ADAMTS8: variants seen among roughly 807,000 people sequenced by gnomAD.
ADAMTS8 encodes A disintegrin and metalloproteinase with thrombospondin motifs 8.
In ADAMTS8, 50 loss-of-function variants were observed where a neutral mutation model predicts 64.4. That is an observed-to-expected ratio of 0.78 (90% CI 0.62 to 0.98). The LOEUF (loss-of-function observed/expected upper bound fraction) is 0.98, where lower values mean the gene tolerates loss of function less well. Ranked by LOEUF, ADAMTS8 falls within the 50% of genes least tolerant of loss-of-function variation. ADAMTS8 has a pLI of 0.00. For missense variants in ADAMTS8, 1,192 were observed against 1,208.2 expected, an observed-to-expected ratio of 0.99 and a Z score of 0.20; for synonymous variants, 556 against 533.6, an observed-to-expected ratio of 1.04 and a Z score of -0.58.
At chr11:130,427,473 T>G in intron 1 of ADAMTS8, 94 bp downstream of exon 1, 5 of 890,410 alleles carry the variant, frequency 5.6e-6, no homozygotes, top group East Asian at 3.3e-5. Flanking sequence ...TTTTTTTTTT[T>G]TCTCAGAGGG....
At chr11:130,407,621 A>G (rs1385874529) in intron 8 of ADAMTS8, among the ~76,000 whole-genome samples, 3 of 152,182 alleles carry the variant, frequency 2.0e-5, no homozygotes, top group African/African-American at 7.2e-5. Flanking sequence ...CATAAGCCCT[A>G]GGACACATTG....
At chr11:130,417,708 G>A (rs1022214061) in intron 2 of ADAMTS8, among the ~76,000 whole-genome samples, 6 of 152,154 alleles carry the variant, frequency 3.9e-5, no homozygotes, top group East Asian at 1.9e-4. Flanking sequence ...GACTACAGCC[G>A]CTTGCCATGT....
At chr11:130,425,104 T>C (rs1862146889) in intron 1 of ADAMTS8, among the ~76,000 whole-genome samples, 1 of 151,934 alleles carries the variant, frequency 6.6e-6, no homozygotes, top group Non-Finnish European at 1.5e-5. Context: ...TTGTGGGGGA[T>C]GGGGAGCGGG....
At chr11:130,413,040 G>A (rs1342030184) in intron 5 of ADAMTS8, among the ~76,000 whole-genome samples, 1 of 151,862 alleles carries the variant, frequency 6.6e-6, no homozygotes, top group African/African-American at 2.4e-5. Context: ...TTGGCTAATT[G>A]TTGTATTTTT....
chr11:130,405,009 A>C lies in ADAMTS8; in HGVS notation c.*549T>G, dbSNP rs1448684820. On this transcript the variant is annotated 3_prime_UTR_variant, in exon 9 of 9. Transcript: ENST00000257359. ...CCCCTGCAGGTGGCAGCCTGAGAAC[A>C]TGTGGCTCTCCAAACCCTGCGACGC... 1.0e-6 allele frequency: 1 copy of C among 986,608 alleles called. No individual in the cohort carries two copies. Among genetic ancestry groups the C allele is most frequent in the Non-Finnish European group, 1.2e-6 (1 of 830,644 alleles). 61.1% of individuals were successfully genotyped at this position (986,608 alleles called of 1,614,324 possible).
At chr11:130,408,238 T>G (rs1427212011) in intron 8 of ADAMTS8, among the ~76,000 whole-genome samples, 1 of 152,128 alleles carries the variant, frequency 6.6e-6, no homozygotes, top group Non-Finnish European at 1.5e-5. Flanking sequence ...TTCTATGAGC[T>G]CGACACTGCC....
chr11:130,425,362 C>A (rs1376415134), intron 1 of ADAMTS8, among the ~76,000 whole-genome samples: 1 of 152,102 alleles, frequency 6.6e-6, no homozygotes, highest in African/African-American at 2.4e-5. Flanking sequence ...GTCCCTGAGG[C>A]AAATACTCAG....
chr11:130,408,552 C>T lies in ADAMTS8; in HGVS notation c.2011G>A (p.Asp671Asn). ...CVKAGCDHVV[D>N]SPRKLDKCGV... is the part of the protein sequence containing the mutation. The stretch of plus-strand genomic sequence containing the variant: ...CATTTGTCCAGCTTCCGAGGCGAGT[C>T]CACCACATGGTCACAGCCGGCCTTG... Residue 671 changes from aspartate (D) to asparagine (N), a missense_variant, in exon 8 of 9, where the codon GAC (aspartate) becomes AAC (asparagine). Asp to Asn is a conservative substitution (Grantham distance 23). Around this residue, in one of 5 missense-constraint regions of ADAMTS8, gnomAD observed 290 missense variants for 297.8 expected, o/e 0.97. Transcript: ENST00000257359. 2 of 1,614,190 alleles carry T rather than the reference C, an allele frequency of 1.2e-6. No homozygotes were observed. The highest frequency in any genetic ancestry group is 1.7e-6 in the Non-Finnish European group (2 of 1,180,048).
At chr11:130,406,532 T>C (rs6590455) in intron 8 of ADAMTS8, among the ~76,000 whole-genome samples, 109,605 of 152,080 alleles carry the variant, frequency 0.72, 40,188 homozygotes, top group East Asian at 0.97. Context: ...GCCACCTCCA[T>C]ACCCAGAGCT....
At chr11:130,408,730 T>A (rs747911420) in intron 7 of ADAMTS8, 38 bp downstream of exon 7, 1 of 1,613,008 alleles carries the variant, frequency 6.2e-7, no homozygotes, top group Non-Finnish European at 8.5e-7. Flanking sequence ...GCGACCTTCC[T>A]CCCCATCTCT....
In ADAMTS8 at chr11:130,417,094, G is replaced by C. The variant is rs746653953; in HGVS notation, c.961-19C>G. On this transcript the variant is annotated intron_variant, in intron 2 of 8. Coordinates refer to ENST00000257359, the MANE Select transcript of ADAMTS8 (RefSeq NM_007037.6). ...AGAAGTTCTGCGTGGCGGGGAGAGA[G>C]CAAGAGAGTGCATCAGTGTGTGTGT... 6.2e-7 allele frequency: 1 copy of C among 1,613,358 alleles called. No homozygotes were observed. The highest frequency in any genetic ancestry group is 1.7e-5 in the Admixed American group (1 of 60,022).
At chr11:130,406,367 T>C (rs925615588) in intron 8 of ADAMTS8, among the ~76,000 whole-genome samples, 1 of 152,210 alleles carries the variant, frequency 6.6e-6, no homozygotes, top group Non-Finnish European at 1.5e-5. Flanking sequence ...AAAAGTGTGG[T>C]TGAGGAGTTG....
chr11:130,416,209 GGACCAGGGCA>G lies in ADAMTS8; in HGVS notation c.1208_1217del (p.Leu403ProfsTer237). On this transcript the variant is annotated frameshift_variant, in exon 4 of 9. Transcript: ENST00000257359. LOFTEE classifies it high-confidence loss of function. This position sits in a 1 kb window ranked among gnomAD's most constrained non-coding sequence, Gnocchi z 4.8. ...CTGTGAGATACATGGCGCTGCAGGGGGACCAGGGCAGCGTCTGGTTCAGGTGGACGAACAG... is the reference window on the plus strand; with the variant it reads ...CTGTGAGATACATGGCGCTGCAGGGGGCGTCTGGTTCAGGTGGACGAACAG... 6.3e-7 allele frequency: 1 copy of G among 1,597,926 alleles called. No individual in the cohort carries two copies. Among genetic ancestry groups the G allele is most frequent in the Non-Finnish European group, 8.5e-7 (1 of 1,172,868 alleles).
chr11:130,427,885 G>T lies in ADAMTS8; in HGVS notation c.402C>A (p.Thr134=). 6.5e-7 allele frequency: 1 copy of T among 1,535,066 alleles called. No individual in the cohort carries two copies. Among genetic ancestry groups the T allele is most frequent in the Non-Finnish European group, 8.7e-7 (1 of 1,146,236 alleles). The change falls in exon 1 of 9, where the codon ACC becomes ACA. Residue 134 remains threonine (T), a synonymous_variant. Coordinates refer to ENST00000257359, the MANE Select transcript of ADAMTS8 (RefSeq NM_007037.6). ...AGCCCCCCGCGCCCTGCGGCTGGAT[G>T]GTGAACTCCTCGCCGTCCAGCAGGA... ...GSFLLDGEEF[T]IQPQGAGGSL...
chr11:130,416,322 G>C lies in ADAMTS8; in HGVS notation c.1105C>G (p.Leu369Val). The change falls in exon 4 of 9, where the codon CTC (leucine) becomes GTC (valine). Residue 369 changes from leucine to valine, a missense_variant. Transcript: ENST00000257359. This position sits in a 1 kb window ranked among gnomAD's most constrained non-coding sequence, Gnocchi z 4.8. ...TTGGAGTCGTCGTGGGGCATGCTGA[G>C]GACGTGCCCTGGGGAGAGAGGCCTG... Reference protein sequence around the residue: ...HTLAHELGHVLSMPHDDSKPC... With the variant: ...HTLAHELGHVVSMPHDDSKPC... 6.4e-7 allele frequency: 1 copy of C among 1,563,486 alleles called. No individual in the cohort carries two copies. Among genetic ancestry groups the C allele is most frequent in the African/African-American group, 1.4e-5 (1 of 73,982 alleles).
At chr11:130,408,704 G>T in intron 7 of ADAMTS8, 64 bp downstream of exon 7, 1 of 1,610,952 alleles carries the variant, frequency 6.2e-7, no homozygotes, top group Non-Finnish European at 8.5e-7. Context: ...GCCGGGGGGC[G>T]GGGGTGTGGG....
chr11:130,421,642 G>A (rs141398829), intron 1 of ADAMTS8, among the ~76,000 whole-genome samples: 11 of 152,272 alleles, frequency 7.2e-5, no homozygotes, highest in Non-Finnish European at 1.5e-4. Context: ...CTCCCAGTCC[G>A]CTCTTCTGAG....
At chr11:130,421,295 G>A (rs1862095567) in intron 1 of ADAMTS8, among the ~76,000 whole-genome samples, 1 of 152,204 alleles carries the variant, frequency 6.6e-6, no homozygotes, top group Admixed American at 6.5e-5. Flanking sequence ...TGATTTTCAT[G>A]CAGAATAAAC....
At chr11:130,419,318 C>A (rs374285041) in intron 1 of ADAMTS8, 26 bp from the exon 2 acceptor site, 4 of 1,613,140 alleles carry the variant, frequency 2.5e-6, no homozygotes, top group African/African-American at 2.7e-5. Flanking sequence ...AGACAAGAGG[C>A]GGAGTGAAGG....
Sources: allele counts gnomAD v4.1 joint callset (sites outside exome capture counted in the v4.1 genomes callset), GRCh38; gene constraint gnomAD v4.1.1; regional missense constraint gnomAD v4.1.1; non-coding constraint Gnocchi (gnomAD v3.1); transcripts MANE v1.5; gene names NCBI Gene and HGNC (gene_info 2026-07-23, HGNC 2026-07-21).